CXCL13: variants seen among roughly 807,000 people sequenced by gnomAD.
CXCL13 encodes C-X-C motif chemokine ligand 13.
In CXCL13, 7 loss-of-function variants were observed where a neutral mutation model predicts 12.2. The observed-to-expected ratio is 0.57, with a 90% CI of 0.33 to 1.07. The LOEUF (loss-of-function observed/expected upper bound fraction) is 1.07, where lower values mean the gene tolerates loss of function less well. CXCL13 is among the 50% of genes least tolerant of loss of function. CXCL13 has a pLI of 0.04. For synonymous variants in CXCL13, 47 were observed against 42.4 expected (o/e 1.11, Z -0.42); for missense variants, 113 against 127.4 (o/e 0.89, Z 0.55).
At chr4:77,557,706 T>A (rs953562157) in intron 1 of CXCL13, among the ~76,000 whole-genome samples, 3 of 152,176 alleles carry the variant, frequency 2.0e-5, no homozygotes, top group Admixed American at 2.0e-4. Flanking sequence ...AGCCCAGGTC[T>A]TTAGTGGCAT....
chr4:77,606,671 C>T (rs1727010196), intron 1 of CXCL13, among the ~76,000 whole-genome samples: 1 of 152,180 alleles, frequency 6.6e-6, no homozygotes, highest in Admixed American at 6.5e-5. Flanking sequence ...TCCCATGGCT[C>T]CCGGCAGAGG....
At chr4:77,597,336 A>G (rs1182308806) in intron 1 of CXCL13, among the ~76,000 whole-genome samples, 3 of 152,154 alleles carry the variant, frequency 2.0e-5, no homozygotes, top group Non-Finnish European at 2.9e-5. Context: ...AAAGGAATGC[A>G]TTCATTTTGA....
chr4:77,545,708 C>G (rs929959682), intron 1 of CXCL13, among the ~76,000 whole-genome samples: 2 of 152,184 alleles, frequency 1.3e-5, no homozygotes, highest in South Asian at 2.1e-4. Context: ...GACAATTTGA[C>G]TTCCTCTTTT....
chr4:77,569,781 T>C (rs1255808974), intron 1 of CXCL13, among the ~76,000 whole-genome samples: 1 of 152,148 alleles, frequency 6.6e-6, no homozygotes, highest in African/African-American at 2.4e-5. Flanking sequence ...ACTTCTAAAA[T>C]TCATATGGAA....
At chr4:77,527,648 AAG>A (rs1271562243) in intron 1 of CXCL13, among the ~76,000 whole-genome samples, 2 of 152,102 alleles carry the variant, frequency 1.3e-5, no homozygotes, top group African/African-American at 4.8e-5. Context: ...AAAAAAAAGA[AAG>A]AAAGAAAAGA....
intron 1 of CXCL13, among the ~76,000 whole-genome samples, chr4:77,520,947 G>T (rs185440718): frequency 1.3e-5 from 2 of 152,140 alleles, no homozygotes; most frequent in Admixed American, 6.5e-5. Context: ...TTTTCTTGAA[G>T]GCCTTTTCTG....
intron 1 of CXCL13, among the ~76,000 whole-genome samples, chr4:77,592,193 C>T (rs796922817): frequency 3.3e-5 from 5 of 152,310 alleles, no homozygotes; most frequent in African/African-American, 9.6e-5. Context: ...TCTAAGTGTA[C>T]ATCAGCAGAT....
chr4:77,525,913 T>TG (rs199725040), intron 1 of CXCL13, among the ~76,000 whole-genome samples: 3 of 117,492 alleles, frequency 2.6e-5, no homozygotes, highest in South Asian at 2.5e-4. Context: ...TTTTAAATTG[T>TG]GGGTTTGTTT....
intron 1 of CXCL13, among the ~76,000 whole-genome samples, chr4:77,512,406 A>C (rs1724298246): frequency 1.3e-5 from 2 of 152,226 alleles, no homozygotes; most frequent in South Asian, 2.1e-4. Context: ...ACAGTAACAC[A>C]TACTGAGTGG....
At position 77,607,718 on chromosome 4, in the gene CXCL13, A is replaced by G. The variant is rs1560539062; in HGVS notation, c.80A>G (p.Tyr27Cys). 4 of 1,612,668 alleles carry G rather than the reference A, an allele frequency of 2.5e-6. No homozygotes were observed. Among genetic ancestry groups the G allele is most frequent in the South Asian group, 1.1e-5 (1 of 90,546 alleles). The part of the protein sequence containing the change: ...LSPVQGVLEV[Y>C]YTSLRCRCVQ... Reference sequence around the variant, plus strand: ...TTACTTACAGGTGTTCTGGAGGTCTATTACACAAGCTTGAGGTGTAGATGT... The same window carrying G: ...TTACTTACAGGTGTTCTGGAGGTCTGTTACACAAGCTTGAGGTGTAGATGT... The change falls in exon 2 of 4, where the codon TAT becomes TGT. Residue 27 changes from tyrosine to cysteine, a missense_variant. Tyr to Cys is a radical substitution (Grantham distance 194, BLOSUM62 -2). Transcript: ENST00000682537.
At chr4:77,542,062 A>G (rs112340000) in intron 1 of CXCL13, among the ~76,000 whole-genome samples, 1,832 of 152,184 alleles carry the variant, frequency 0.012, 50 homozygotes, top group African/African-American at 0.041. Flanking sequence ...TGGCTTTTGT[A>G]TCCTGAGATT....
At chr4:77,579,383 C>A (rs1013643469) in intron 1 of CXCL13, among the ~76,000 whole-genome samples, 5 of 152,234 alleles carry the variant, frequency 3.3e-5, no homozygotes, top group Admixed American at 2.6e-4. Context: ...GCTCACCCCA[C>A]TAAGGATGCA....
intron 1 of CXCL13, among the ~76,000 whole-genome samples, chr4:77,514,676 G>A (rs1451119672): frequency 6.6e-6 from 1 of 151,096 alleles, no homozygotes; most frequent in African/African-American, 2.4e-5. Flanking sequence ...TTGTAAATTT[G>A]TTTGAGTTCA....
chr4:77,512,046 A>C (rs552299888), intron 1 of CXCL13, among the ~76,000 whole-genome samples: 1 of 152,312 alleles, frequency 6.6e-6, no homozygotes, highest in South Asian at 2.1e-4. Flanking sequence ...CCTTGGTTGT[A>C]TAGTCTGTTC....
chr4:77,584,248 G>A (rs996782787), intron 1 of CXCL13, among the ~76,000 whole-genome samples: 2 of 152,142 alleles, frequency 1.3e-5, no homozygotes, highest in Admixed American at 6.5e-5. Flanking sequence ...AACCACTGAT[G>A]AGCACGCACC....
At chr4:77,579,695 A>G (rs1726272975) in intron 1 of CXCL13, among the ~76,000 whole-genome samples, 1 of 152,144 alleles carries the variant, frequency 6.6e-6, no homozygotes, top group Non-Finnish European at 1.5e-5. Flanking sequence ...AGCCCTAGAA[A>G]TTAGACCTGC....
intron 1 of CXCL13, among the ~76,000 whole-genome samples, chr4:77,547,887 T>G (rs576973409): frequency 6.6e-6 from 1 of 152,306 alleles, no homozygotes; most frequent in East Asian, 1.9e-4. Flanking sequence ...TTCCTTTCCA[T>G]GGTTAGTGCT....
intron 1 of CXCL13, among the ~76,000 whole-genome samples, chr4:77,546,736 T>A (rs748043719): frequency 3.9e-4 from 59 of 152,218 alleles, no homozygotes; most frequent in Non-Finnish European, 7.3e-5. Flanking sequence ...GTCTCTTATC[T>A]CCTTCAGTTC....
intron 1 of CXCL13, among the ~76,000 whole-genome samples, chr4:77,594,328 G>T (rs960318417): frequency 6.6e-6 from 1 of 152,074 alleles, no homozygotes; most frequent in Non-Finnish European, 1.5e-5. Context: ...AGTACCTCAA[G>T]CCCAGGGCAA....
Sources: allele counts gnomAD v4.1 joint callset (sites outside exome capture counted in the v4.1 genomes callset), GRCh38; gene constraint gnomAD v4.1.1; transcripts MANE v1.5; gene names NCBI Gene and HGNC (gene_info 2026-07-23, HGNC 2026-07-21).